Variants in NFIC observed in about 807,000 individuals in gnomAD.
NFIC encodes the protein nuclear factor I C.
A neutral mutation model predicts 54.4 loss-of-function variants in NFIC; 12 were observed. The ratio of observed to expected loss-of-function variants is 0.22; its 90% CI spans 0.14 to 0.36. NFIC has a LOEUF of 0.36. Among genes scored for constraint, NFIC ranks in the 10% least tolerant of loss-of-function variants. NFIC has a pLI of 1.00. For missense variants in NFIC, 575 were observed against 718.2 expected (o/e 0.80, Z 2.28); for synonymous variants, 322 against 319.2 (o/e 1.01, Z -0.09).
At chr19:3,456,488 A>C in intron 9 of NFIC, 62 bp from the exon 10 acceptor site, 1 of 1,499,994 alleles carries the variant, frequency 6.7e-7, no homozygotes, top group Non-Finnish European at 9.1e-7. Flanking sequence ...CTCTGGGGCC[A>C]GGGCCGCCCC....
chr19:3,449,138 C>T lies in NFIC; in HGVS notation c.1083C>T (p.Ser361=), dbSNP rs766732525. 1.6e-5 allele frequency: 25 copies of T among 1,611,218 alleles called. No homozygotes were observed. Among genetic ancestry groups the T allele is most frequent in the Middle Eastern group, 3.3e-4 (2 of 6,072 alleles). Reference sequence around the variant, plus strand: ...ACCGGCCCGTCATCGCCGTGCACAGCGGTAAGCGCCACGGGCCCCTGGCGG... The same window carrying T: ...ACCGGCCCGTCATCGCCGTGCACAGTGGTAAGCGCCACGGGCCCCTGGCGG... ...QHHRPVIAVH[S]GIARSPHPSS... Residue 361 remains serine, a splice_region_variant and synonymous_variant, in exon 7 of 11, where the codon AGC becomes AGT. Transcript: ENST00000443272.
chr19:3,427,898 G>A (rs553262046), intron 3 of NFIC, among the ~76,000 whole-genome samples: 5 of 151,822 alleles, frequency 3.3e-5, no homozygotes, highest in African/African-American at 2.4e-5. Context: ...GGCCGGGTGC[G>A]GGGGCTTACG....
At chr19:3,449,198 C>T (rs913482209) in intron 7 of NFIC, 59 bp downstream of exon 7, 1 of 1,568,308 alleles carries the variant, frequency 6.4e-7, no homozygotes, top group Non-Finnish European at 8.6e-7. Context: ...AGGCCTCTCA[C>T]AGCCGGGGAA....
chr19:3,361,641 A>G (rs896762769), upstream of NFIC, among the ~76,000 whole-genome samples: 13 of 151,954 alleles, frequency 8.6e-5, no homozygotes, highest in Non-Finnish European at 1.9e-4. Context: ...TCCCACAATG[A>G]CACAGAGGCC....
intron 2 of NFIC, among the ~76,000 whole-genome samples, chr19:3,384,276 A>G (rs1024300048): frequency 2.0e-5 from 3 of 151,912 alleles, no homozygotes; most frequent in Non-Finnish European, 4.4e-5. Context: ...TATGTTGCCC[A>G]GGTTGGCCTC....
intron 6 of NFIC, among the ~76,000 whole-genome samples, chr19:3,443,550 C>G (rs993717471): frequency 2.0e-5 from 3 of 152,214 alleles, no homozygotes; most frequent in South Asian, 2.1e-4. Flanking sequence ...TCTCCCTCCC[C>G]ACTCAAGGTG....
rs1158804374 is a variant in NFIC at position 3,452,721 on chromosome 19, G to A, written c.1269+55G>A. 38 of 1,529,300 alleles carry A rather than the reference G, an allele frequency of 2.5e-5. No individual in the cohort carries two copies. The highest frequency in any genetic ancestry group is 3.9e-5 in the Admixed American group (2 of 50,832). The allele number at this position is 1,529,300 out of a possible 1,614,324, so 94.7% of individuals were successfully genotyped here. On this transcript the variant is annotated intron_variant, in intron 8 of 10. Transcript: ENST00000443272. The surrounding 1 kb of genome is among the most constrained non-coding windows in gnomAD (Gnocchi z 5.3). ...TCCTGGCGGCTCCAGGTGACCTCCC[G>A]GGGGCCACGTGCTCACACGAAGGCA...
intron 6 of NFIC, among the ~76,000 whole-genome samples, chr19:3,444,487 A>G (rs1194176999): frequency 6.6e-6 from 1 of 152,190 alleles, no homozygotes; most frequent in Non-Finnish European, 1.5e-5. Flanking sequence ...ATGCCTGCTG[A>G]ACAGACAGAG....
intron 2 of NFIC, among the ~76,000 whole-genome samples, chr19:3,385,638 T>C (rs1473022296): frequency 1.4e-5 from 2 of 144,094 alleles, no homozygotes; most frequent in African/African-American, 2.6e-5. Context: ...AATGACGCAA[T>C]CTTGGCTCAC....
At chr19:3,373,342 C>A (rs550349883) in intron 1 of NFIC, among the ~76,000 whole-genome samples, 28 of 152,298 alleles carry the variant, frequency 1.8e-4, no homozygotes, top group African/African-American at 6.7e-4. Context: ...GAGTTTGAAC[C>A]CTGTGGACTC....
rs749967054 is a variant in NFIC at position 3,425,130 on chromosome 19, G to T, written c.587G>T (p.Arg196Leu). 6.2e-7 allele frequency: 1 copy of T among 1,613,156 alleles called. No homozygotes were observed. Among genetic ancestry groups the T allele is most frequent in the South Asian group, 1.1e-5 (1 of 91,036 alleles). The change falls in exon 3 of 11, where the codon CGG (arginine) becomes CTG (leucine). Residue 196 changes from arginine (R) to leucine (L), a missense_variant. By Grantham distance (102) the Arg-to-Leu change is moderately radical (BLOSUM62 -2). Transcript: ENST00000443272. ...ERDAEQSGSP[R>L]TGMGSDQEDS... ...GATGCAGAGCAAAGCGGCAGTCCCCGGACAGGGATGGGCTCTGACCAGGAG... is the reference window on the plus strand; with the variant it reads ...GATGCAGAGCAAAGCGGCAGTCCCCTGACAGGGATGGGCTCTGACCAGGAG...
chr19:3,363,217 A>G (rs1259585026), upstream of NFIC, among the ~76,000 whole-genome samples: 1 of 64,710 alleles, frequency 1.5e-5, no homozygotes, highest in African/African-American at 6.2e-5. Flanking sequence ...AAGGAGACAT[A>G]TGTATATGTA....
intron 9 of NFIC, 108 bp downstream of exon 9, chr19:3,454,024 C>T: frequency 7.2e-7 from 1 of 1,388,444 alleles, no homozygotes; most frequent in Non-Finnish European, 9.3e-7. Context: ...CCTGCAGGGC[C>T]TGGCGAGTTT....
In NFIC at chr19:3,430,923, C is replaced by T. The variant is rs182647689; in HGVS notation, c.635-2595C>T. On this transcript the variant is annotated intron_variant, in intron 3 of 10. Coordinates refer to ENST00000443272, the MANE Select transcript of NFIC (RefSeq NM_001245002.2). ...CTCCAGCCTGGGCGACAGAGTGAGA[C>T]TCCGTCTCAAAAAAAAAAAAAAAGA... Among the ~76,000 whole-genome samples the T allele has an allele frequency of 1.0e-2, 983 of 98,554 alleles. 19 individuals carry two copies. Among genetic ancestry groups the T allele is most frequent in the African/African-American group, 0.046 (903 of 19,540 alleles). 64.7% of individuals were successfully genotyped at this position (98,554 alleles called of 152,430 possible).
chr19:3,402,888 G>A (rs2081579661), intron 2 of NFIC, among the ~76,000 whole-genome samples: 1 of 152,198 alleles, frequency 6.6e-6, no homozygotes, highest in Non-Finnish European at 1.5e-5. Flanking sequence ...GGGGGAGAGA[G>A]GGAAGAGGGG....
In NFIC at chr19:3,459,502, C is replaced by G. The variant is rs138283018; in HGVS notation, c.1509+2867C>G. 6.5e-3 allele frequency among the ~76,000 whole-genome samples: 997 copies of G among 152,294 alleles called. 9 individuals carry two copies. The highest frequency in any genetic ancestry group is 0.023 in the African/African-American group (943 of 41,554). On this transcript the variant is annotated intron_variant, in intron 10 of 10. Coordinates refer to ENST00000443272, the MANE Select transcript of NFIC (RefSeq NM_001245002.2). This position sits in a 1 kb window ranked among gnomAD's most constrained non-coding sequence, Gnocchi z 4.2. ...ATTGAGCCACATGCCGGGAGCCACACAGGCGGCTGCAGCCAGGCCAGCAGG... is the reference window on the plus strand; with the variant it reads ...ATTGAGCCACATGCCGGGAGCCACAGAGGCGGCTGCAGCCAGGCCAGCAGG...
intron 3 of NFIC, among the ~76,000 whole-genome samples, chr19:3,428,824 G>A: frequency 6.6e-6 from 1 of 152,128 alleles, no homozygotes; most frequent in East Asian, 1.9e-4. Context: ...GGTCGGGGGA[G>A]GCGGAGGGGG....
At chr19:3,366,546 T>TGGGGGGGGGGG (rs1568394588), upstream of NFIC, 13 of 317,334 alleles carry the variant, frequency 4.1e-5, no homozygotes, top group South Asian at 4.0e-4. Flanking sequence ...GGGGGGGGGG[T>TGGGGGGGGGGG]TGGGGGGGGC....
intron 2 of NFIC, among the ~76,000 whole-genome samples, chr19:3,396,821 T>C (rs1232256860): frequency 6.6e-6 from 1 of 152,140 alleles, no homozygotes; most frequent in East Asian, 1.9e-4. Context: ...CTGGGTGTGG[T>C]GGCACATGCT....
Sources: allele counts gnomAD v4.1 joint callset (sites outside exome capture counted in the v4.1 genomes callset), GRCh38; gene constraint gnomAD v4.1.1; non-coding constraint Gnocchi (gnomAD v3.1); transcripts MANE v1.5; gene names NCBI Gene and HGNC (gene_info 2026-07-23, HGNC 2026-07-21).